CSMD1: variants seen among roughly 807,000 people sequenced by gnomAD.
CSMD1 encodes the protein CUB and sushi domain-containing protein 1.
In CSMD1, 213 loss-of-function variants were observed where a neutral mutation model predicts 417.5. The observed-to-expected ratio is 0.51, with a 90% CI of 0.46 to 0.57. The LOEUF is 0.57. CSMD1 is among the 20% of genes least tolerant of loss of function. The pLI, the probability that CSMD1 is intolerant of heterozygous loss-of-function variation, is 0.00. For synonymous variants in CSMD1, 2,862 were observed against 1,736.8 expected (o/e 1.65, Z -16.11); for missense variants, 6,923 against 4,529.7 (o/e 1.53, Z -15.17).
intron 10 of CSMD1, among the ~76,000 whole-genome samples, chr8:3,545,351 A>C (rs902661846): frequency 2.0e-5 from 3 of 152,188 alleles, no homozygotes; most frequent in African/African-American, 7.2e-5. Flanking sequence ...CTTTATTCCA[A>C]TACTTAACAT....
At chr8:4,791,432 C>T (rs550088576) in intron 1 of CSMD1, among the ~76,000 whole-genome samples, 42 of 152,228 alleles carry the variant, frequency 2.8e-4, no homozygotes, top group African/African-American at 8.7e-4. Flanking sequence ...GGACCCCATC[C>T]CTTGGTCTAT....
rs115233347 is a variant in CSMD1 at position 4,221,135 on chromosome 8, A to G, written c.416-189036T>C. ...CGGACAAGACAGAGAATAGAAATGT[A>G]AAGAGCGGAGGAATATCACTGAAGC... On this transcript the variant is annotated intron_variant, in intron 3 of 69. Coordinates refer to ENST00000635120, the MANE Select transcript of CSMD1 (RefSeq NM_033225.6). 1.9e-3 allele frequency among the ~76,000 whole-genome samples: 296 copies of G among 152,316 alleles called. 2 individuals are homozygous for G. The highest frequency in any genetic ancestry group is 6.7e-3 in the African/African-American group (280 of 41,572).
chr8:3,820,717 A>G (rs554300556), intron 5 of CSMD1, among the ~76,000 whole-genome samples: 2 of 152,152 alleles, frequency 1.3e-5, no homozygotes, highest in East Asian at 1.9e-4. Flanking sequence ...CTGGGACTAC[A>G]GGCATGCGCC....
At position 3,764,337 on chromosome 8, in the gene CSMD1, C is replaced by T. The variant is rs538566820; in HGVS notation, c.819-10295G>A. ...AACTCTCCTGAGTGTACTTGTGCTC[C>T]CTGCCCCTCTCTGCTCTAAACCACA... On this transcript the variant is annotated intron_variant, in intron 5 of 69. Coordinates refer to ENST00000635120, the MANE Select transcript of CSMD1 (RefSeq NM_033225.6). Among the ~76,000 whole-genome samples, 23 of 152,232 alleles carry T rather than the reference C, an allele frequency of 1.5e-4. No individual in the cohort carries two copies. In the South Asian group the frequency reaches 4.1e-3, roughly 27 times the overall value.
intron 1 of CSMD1, among the ~76,000 whole-genome samples, chr8:4,816,661 T>C (rs957242097): frequency 3.3e-5 from 5 of 152,142 alleles, no homozygotes; most frequent in African/African-American, 1.2e-4. Context: ...CAATTCCCAC[T>C]GGTGAAAGCT....
rs138532756 is a variant in CSMD1 at position 4,244,369 on chromosome 8, C to A, written c.415+175584G>T. 1.3e-3 allele frequency among the ~76,000 whole-genome samples: 201 copies of A among 152,154 alleles called. 2 individuals are homozygous for A. Among genetic ancestry groups the A allele is most frequent in the Admixed American group, 6.1e-3 (93 of 15,274 alleles). ...CTGGGATTTTAATAGGTAGAAAGAC[C>A]TAGAAACGGATGTTTTTATGTTAAT... On this transcript the variant is annotated intron_variant, in intron 3 of 69. Transcript: ENST00000635120.
At chr8:3,535,509 T>G (rs184184246) in intron 10 of CSMD1, among the ~76,000 whole-genome samples, 91 of 152,256 alleles carry the variant, frequency 6.0e-4, no homozygotes, top group African/African-American at 2.1e-3. Flanking sequence ...CACATGGACA[T>G]AGAGTGTGAC....
intron 5 of CSMD1, among the ~76,000 whole-genome samples, chr8:3,969,165 G>A (rs1229912733): frequency 6.6e-6 from 1 of 152,126 alleles, no homozygotes; most frequent in Non-Finnish European, 1.5e-5. Flanking sequence ...GAGGAGAATT[G>A]CTTGAACCTG....
At chr8:4,078,673 T>A (rs1202896894) in intron 3 of CSMD1, among the ~76,000 whole-genome samples, 1 of 151,336 alleles carries the variant, frequency 6.6e-6, no homozygotes, top group Non-Finnish European at 1.5e-5. Flanking sequence ...AGAAAAAACT[T>A]GCTGTATTCT....
At chr8:3,068,711 G>A (rs1813118672) in intron 49 of CSMD1, among the ~76,000 whole-genome samples, 2 of 152,026 alleles carry the variant, frequency 1.3e-5, no homozygotes, top group Admixed American at 1.3e-4. Context: ...GAGTTGAGGG[G>A]GAAGTGCCAC....
At chr8:4,374,107 C>G (rs563343834) in intron 3 of CSMD1, among the ~76,000 whole-genome samples, 1 of 152,074 alleles carries the variant, frequency 6.6e-6, no homozygotes, top group African/African-American at 2.4e-5. Flanking sequence ...GCATGGTTTT[C>G]ACACCTGCCA....
chr8:3,811,076 G>C (rs775462970), intron 5 of CSMD1, among the ~76,000 whole-genome samples: 1 of 152,144 alleles, frequency 6.6e-6, no homozygotes, highest in Non-Finnish European at 1.5e-5. Context: ...TGTTTTTCCT[G>C]AGATCGTGAT....
chr8:4,519,195 C>G (rs185021944), intron 2 of CSMD1, among the ~76,000 whole-genome samples: 1 of 152,056 alleles, frequency 6.6e-6, no homozygotes, highest in Admixed American at 6.6e-5. Context: ...TAATAAATTA[C>G]TAGATCTTTG....
chr8:4,840,693 G>T (rs1409491105), intron 1 of CSMD1, among the ~76,000 whole-genome samples: 1 of 152,174 alleles, frequency 6.6e-6, no homozygotes. Context: ...CTCAGTGCCT[G>T]CAAGAGACAA....
In CSMD1 at chr8:4,117,950, G is replaced by GAA. The variant is rs112018951; in HGVS notation, c.416-85852_416-85851insTT. 6.7e-3 allele frequency among the ~76,000 whole-genome samples: 935 copies of GAA among 139,036 alleles called. 19 individuals carry two copies. The highest frequency in any genetic ancestry group is 8.2e-3 in the African/African-American group (306 of 37,470). The allele number at this position is 139,036 out of a possible 152,430, so 91.2% of individuals were successfully genotyped here. On this transcript the variant is annotated intron_variant, in intron 3 of 69. Coordinates refer to ENST00000635120, the MANE Select transcript of CSMD1 (RefSeq NM_033225.6). ...CTGGAAAAGTCAGGGCAAGTCAATA[G>GAA]GAAAAAAAAAAAAAGCAGTGTACAA... is the stretch of plus-strand genomic sequence containing the variant.
chr8:4,451,250 G>A (rs909817398), intron 2 of CSMD1, among the ~76,000 whole-genome samples: 1 of 152,124 alleles, frequency 6.6e-6, no homozygotes, highest in South Asian at 2.1e-4. Context: ...AAGATGGCTT[G>A]AGCCCAGGAG....
chr8:4,514,770 A>G (rs1803025599), intron 2 of CSMD1, among the ~76,000 whole-genome samples: 2 of 152,170 alleles, frequency 1.3e-5, no homozygotes, highest in Admixed American at 6.5e-5. Flanking sequence ...AATAAAGAAG[A>G]TACACACTCT....
At chr8:3,702,337 G>A (rs1800917158) in intron 7 of CSMD1, 1 of 152,084 alleles carries the variant, frequency 6.6e-6, no homozygotes, top group South Asian at 2.1e-4. Context: ...TTACATGTGG[G>A]GAAAATCTCT....
At chr8:4,776,511 G>C (rs1796859193) in intron 1 of CSMD1, among the ~76,000 whole-genome samples, 1 of 152,044 alleles carries the variant, frequency 6.6e-6, no homozygotes, top group Non-Finnish European at 1.5e-5. Context: ...AGCGTCTCAG[G>C]GCCCCATAGG....
Sources: gnomAD v4.1 joint callset for allele counts (sites outside exome capture counted in the v4.1 genomes callset) on GRCh38, gnomAD v4.1.1 for gene constraint, MANE v1.5 for transcripts, NCBI Gene and HGNC (gene_info 2026-07-23, HGNC 2026-07-21) for gene names.